BCL11B: variants seen among roughly 807,000 people sequenced by gnomAD.
BCL11B encodes the protein B-cell lymphoma/leukemia 11B.
In BCL11B, 8 loss-of-function variants were observed where a neutral mutation model predicts 49.9. The observed-to-expected ratio is 0.16, with a 90% CI of 0.09 to 0.29. The LOEUF (loss-of-function observed/expected upper bound fraction) is 0.29. BCL11B is among the 10% of genes least tolerant of loss of function. The probability of loss-of-function intolerance (pLI) is 1.00; values close to 1 mark genes in which losing one functional copy is unlikely to be tolerated. For synonymous variants in BCL11B, 739 were observed against 637.4 expected (o/e 1.16, Z -2.40); for missense variants, 1,006 against 1,351.0 (o/e 0.74, Z 4.00).
intron 2 of BCL11B, among the ~76,000 whole-genome samples, chr14:99,252,936 T>A (rs915346984): frequency 1.3e-5 from 2 of 152,360 alleles, no homozygotes; most frequent in African/African-American, 4.8e-5. Flanking sequence ...CCCAGGTAAG[T>A]GATCATGGTT....
chr14:99,208,802 G>C (rs1159587536), intron 3 of BCL11B, among the ~76,000 whole-genome samples: 1 of 152,178 alleles, frequency 6.6e-6, no homozygotes, highest in African/African-American at 2.4e-5. Flanking sequence ...CACCCACCCA[G>C]CAGACGTGAG....
At chr14:99,203,455 C>T (rs1887443882) in intron 3 of BCL11B, among the ~76,000 whole-genome samples, 1 of 152,122 alleles carries the variant, frequency 6.6e-6, no homozygotes, top group Non-Finnish European at 1.5e-5. Flanking sequence ...AAGGCGAGTT[C>T]AAAGAGGTTA....
At chr14:99,229,089 T>TGGAC (rs1888248869) in intron 3 of BCL11B, among the ~76,000 whole-genome samples, 1 of 146,292 alleles carries the variant, frequency 6.8e-6, no homozygotes, top group Non-Finnish European at 1.5e-5. Context: ...GATGGATGGA[T>TGGAC]AGATGGATGG....
chr14:99,174,017 G>T lies in BCL11B; in HGVS notation c.*134C>A. ...GGACTTCGCAGACACAGGTTAGGTT[G>T]GAGTGCCGCCTCCCCTGGGCCCCGG... On this transcript the variant is annotated 3_prime_UTR_variant, in exon 4 of 4. Transcript: ENST00000357195. 3.6e-6 allele frequency: 3 copies of T among 827,258 alleles called. No individual in the cohort carries two copies. The highest frequency in any genetic ancestry group is 5.6e-6 in the Non-Finnish European group (3 of 532,740). 51.2% of individuals were successfully genotyped at this position (827,258 alleles called of 1,614,324 possible). A position where few individuals can be genotyped will look rare whatever the true frequency, so the allele number is the denominator to read the frequency against.
intron 2 of BCL11B, among the ~76,000 whole-genome samples, chr14:99,255,699 G>A (rs141614767): frequency 1.1e-4 from 17 of 152,320 alleles, no homozygotes; most frequent in South Asian, 4.1e-4. Flanking sequence ...GAGGCCAGGC[G>A]TCGATACTAC....
At chr14:99,238,953 C>T (rs1046041789) in intron 2 of BCL11B, among the ~76,000 whole-genome samples, 1 of 152,178 alleles carries the variant, frequency 6.6e-6, no homozygotes, top group Non-Finnish European at 1.5e-5. Context: ...TGTGCATGCA[C>T]TTCTATTATC....
Position 99,176,025 on chromosome 14 carries a change from G to A in BCL11B, c.811C>T (p.Pro271Ser). 1 of 1,579,348 alleles carries A rather than the reference G, an allele frequency of 6.3e-7. No homozygotes were observed. The highest frequency in any genetic ancestry group is 2.3e-5 in the East Asian group (1 of 43,304). The change falls in exon 4 of 4, where the codon CCG becomes TCG. Residue 271 changes from proline (P) to serine (S), a missense_variant. By Grantham distance (74) the Pro-to-Ser change is moderately conservative (BLOSUM62 -1). Coordinates refer to ENST00000357195, the MANE Select transcript of BCL11B (RefSeq NM_138576.4). ...PRLTIPPPLG[P>S]EAVAQSPLMN... Reference sequence around the variant, plus strand: ...AGCGGGGACTGCGCCACGGCCTCCGGCCCGAGCGGCGGCGGGATGGTGAGC... The same window carrying A: ...AGCGGGGACTGCGCCACGGCCTCCGACCCGAGCGGCGGCGGGATGGTGAGC...
chr14:99,196,140 C>T (rs1477856804), intron 3 of BCL11B, among the ~76,000 whole-genome samples: 2 of 152,134 alleles, frequency 1.3e-5, no homozygotes, highest in Non-Finnish European at 2.9e-5. Flanking sequence ...TAGATAGAAT[C>T]GAAGGTGCTT....
chr14:99,230,336 T>C (rs1349960450), intron 3 of BCL11B, among the ~76,000 whole-genome samples: 2 of 152,218 alleles, frequency 1.3e-5, no homozygotes, highest in Non-Finnish European at 2.9e-5. Flanking sequence ...GCCTGCAACA[T>C]GCCTGGTGAC....
intron 3 of BCL11B, among the ~76,000 whole-genome samples, chr14:99,180,046 G>T (rs1384828455): frequency 6.6e-6 from 1 of 152,168 alleles, no homozygotes; most frequent in African/African-American, 2.4e-5. Context: ...GGCTGCTTCT[G>T]ACTGGGGGCT....
At chr14:99,246,019 C>A (rs1053959077) in intron 2 of BCL11B, among the ~76,000 whole-genome samples, 1 of 152,132 alleles carries the variant, frequency 6.6e-6, no homozygotes, top group Non-Finnish European at 1.5e-5. Context: ...TGCATTCCAC[C>A]ACCTTCAGGA....
At chr14:99,203,179 C>G (rs1887436415) in intron 3 of BCL11B, among the ~76,000 whole-genome samples, 2 of 152,214 alleles carry the variant, frequency 1.3e-5, no homozygotes, top group African/African-American at 4.8e-5. Flanking sequence ...TGTTCCCGTT[C>G]TCGTTCCCCA....
At chr14:99,264,355 A>G (rs1889421861) in intron 1 of BCL11B, 1 of 151,732 alleles carries the variant, frequency 6.6e-6, no homozygotes, top group Non-Finnish European at 1.5e-5. Flanking sequence ...TCACAATAAT[A>G]TTGGCACTCA....
rs756887977 is a variant in BCL11B, at chr14:99,175,043, A to G, written c.1793T>C (p.Val598Ala). The G allele has an allele frequency of 2.4e-5, 38 of 1,597,120 alleles. No individual in the cohort carries two copies. Among genetic ancestry groups the G allele is most frequent in the Non-Finnish European group, 3.0e-5 (35 of 1,176,888 alleles). ...TGCGCCTAGGCCCACGTTCTCCATGACCTTGCCCAGCACCAGCGCCTTCTC... is the reference window on the plus strand; with the variant it reads ...TGCGCCTAGGCCCACGTTCTCCATGGCCTTGCCCAGCACCAGCGCCTTCTC... Reference protein sequence around the residue: ...ADEKALVLGKVMENVGLGALP... With the variant: ...ADEKALVLGKAMENVGLGALP... The change falls in exon 4 of 4, where the codon GTC becomes GCC. Residue 598 changes from valine (V) to alanine (A), a missense_variant. By Grantham distance (64) the Val-to-Ala change is moderately conservative. Coordinates refer to ENST00000357195, the MANE Select transcript of BCL11B (RefSeq NM_138576.4).
chr14:99,210,342 C>T (rs1887651378), intron 3 of BCL11B, among the ~76,000 whole-genome samples: 1 of 152,158 alleles, frequency 6.6e-6, no homozygotes, highest in South Asian at 2.1e-4. Context: ...AAACAATGGC[C>T]AAAACCGGAG....
At chr14:99,201,042 G>A (rs1046579369) in intron 3 of BCL11B, among the ~76,000 whole-genome samples, 5 of 152,268 alleles carry the variant, frequency 3.3e-5, no homozygotes, top group Non-Finnish European at 7.4e-5. Flanking sequence ...AAGGCAGGTC[G>A]GACAGTGGAC....
chr14:99,175,690 CG>C lies in BCL11B; in HGVS notation c.1145del (p.Pro382ArgfsTer11). On this transcript the variant is annotated frameshift_variant, in exon 4 of 4. Coordinates refer to ENST00000357195, the MANE Select transcript of BCL11B (RefSeq NM_138576.4). LOFTEE classifies it high-confidence loss of function. ...GCCGGTGCATAGGGTTGCCGCGGCCCGGGGACACGGGCGGCGGCGTGGAGCT... is the reference window on the plus strand; with the variant it reads ...GCCGGTGCATAGGGTTGCCGCGGCCCGGGACACGGGCGGCGGCGTGGAGCT... ...GNSSTPPPVS[P>X]GRGNPMHRLL... is the part of the protein sequence containing the mutation. The C allele has an allele frequency of 2.6e-6, 4 of 1,520,096 alleles. No homozygotes were observed. Among genetic ancestry groups the C allele is most frequent in the South Asian group, 1.2e-5 (1 of 80,210 alleles). 94.2% of individuals were successfully genotyped at this position (1,520,096 alleles called of 1,614,324 possible).
intron 1 of BCL11B, among the ~76,000 whole-genome samples, chr14:99,268,010 C>T (rs1010203108): frequency 6.6e-6 from 1 of 151,868 alleles, no homozygotes; most frequent in African/African-American, 2.4e-5. Flanking sequence ...CTTTCCTCTG[C>T]GTGGTCAGCC....
At chr14:99,180,182 G>A (rs577714202) in intron 3 of BCL11B, among the ~76,000 whole-genome samples, 15 of 152,232 alleles carry the variant, frequency 9.9e-5, no homozygotes, top group African/African-American at 2.9e-4. Context: ...TTATGCTAGC[G>A]GCCCAGACAG....
Sources: gnomAD v4.1 joint callset for allele counts (sites outside exome capture counted in the v4.1 genomes callset) on GRCh38, gnomAD v4.1.1 for gene constraint, MANE v1.5 for transcripts, NCBI Gene and HGNC (gene_info 2026-07-23, HGNC 2026-07-21) for gene names.